Variants in ERO1B observed in about 807,000 individuals in gnomAD.
ERO1B encodes the protein endoplasmic reticulum oxidoreductase 1 beta, also known as ERO1-like protein beta.
ERO1B carries 49 observed loss-of-function variants against 75.3 expected under a neutral mutation model. The ratio of observed to expected loss-of-function variants is 0.65; its 90% CI spans 0.52 to 0.83. The LOEUF is 0.83. Ranked by LOEUF, ERO1B falls within the 40% of genes least tolerant of loss-of-function variation. The probability of loss-of-function intolerance (pLI) is 0.00; values close to 1 mark genes in which losing one functional copy is unlikely to be tolerated. For missense variants in ERO1B, 512 were observed against 560.1 expected, an observed-to-expected ratio of 0.91 and a Z score of 0.87; for synonymous variants, 191 against 192.9, an observed-to-expected ratio of 0.99 and a Z score of 0.08.
chr1:236,281,933 T>G lies in ERO1B; in HGVS notation c.-150A>C. On this transcript the variant is annotated 5_prime_UTR_variant, in exon 1 of 16. Coordinates refer to ENST00000354619, the MANE Select transcript of ERO1B (RefSeq NM_019891.4). ...CTCCAGTCCGGAGGCAGGCGACTCTTTCCCCAACACCCGGCAGCTGCGAGT... is the reference window on the plus strand; with the variant it reads ...CTCCAGTCCGGAGGCAGGCGACTCTGTCCCCAACACCCGGCAGCTGCGAGT... 1 of 446,022 alleles carries G rather than the reference T, an allele frequency of 2.2e-6. No homozygotes were observed. Among genetic ancestry groups the G allele is most frequent in the East Asian group, 3.6e-5 (1 of 28,058 alleles). 27.6% of individuals were successfully genotyped at this position (446,022 alleles called of 1,614,324 possible). A position where few individuals can be genotyped will look rare whatever the true frequency, so the allele number is the denominator to read the frequency against.
Position 236,245,321 on chromosome 1 carries a change from TACACACAC to T in ERO1B, c.432-1834_432-1827del, listed in dbSNP as rs1362252847. 5.4e-3 allele frequency among the ~76,000 whole-genome samples: 75 copies of T among 13,808 alleles called. 4 individuals are homozygous for T. In the East Asian group the frequency reaches 0.059, roughly 11 times the overall value. 9.1% of individuals were successfully genotyped at this position (13,808 alleles called of 152,430 possible). On this transcript the variant is annotated intron_variant, in intron 5 of 15. Transcript: ENST00000354619. ...AAATATATATATATATATATATATA[TACACACAC>T]GTATATATATACGTATATATATACA...
At chr1:236,261,317 A>AAGAAAAAGAAATAAAAGACATCTATAT in intron 2 of ERO1B, among the ~76,000 whole-genome samples, 1 of 152,348 alleles carries the variant, frequency 6.6e-6, no homozygotes, top group Non-Finnish European at 1.5e-5. Flanking sequence ...GCAATAAGGC[A>AAGAAAAAGAAATAAAAGACATCTATAT]AGAAAAAGAA....
intron 12 of ERO1B, 149 bp from the exon 13 acceptor site, chr1:236,225,288 C>G: frequency 1.4e-6 from 1 of 695,772 alleles, no homozygotes; most frequent in South Asian, 2.0e-5. Flanking sequence ...AAGTGACAAA[C>G]AGTTCACACA....
intron 1 of ERO1B, among the ~76,000 whole-genome samples, chr1:236,275,955 A>AT (rs780806815): frequency 1.3e-5 from 2 of 152,246 alleles, no homozygotes; most frequent in African/African-American, 4.8e-5. Flanking sequence ...GGTCAGGGAC[A>AT]TTTAAGACAA....
rs761573606 is a variant in ERO1B, at chr1:236,253,427, G to C, written c.301C>G (p.Pro101Ala). ...TGTTATTTTATTTATTATACCTCTG[G>C]ACAGGGCTCCACATGACAGTCTTTT... ...SIKDCHVEPC[P>A]ESKIPVGIKA... The change falls in exon 3 of 16, where the codon CCA (proline) becomes GCA (alanine). Residue 101 changes from proline to alanine, a missense_variant. Pro to Ala is a conservative substitution (Grantham distance 27). Coordinates refer to ENST00000354619, the MANE Select transcript of ERO1B (RefSeq NM_019891.4). 7.5e-6 allele frequency: 12 copies of C among 1,600,852 alleles called. No individual in the cohort carries two copies. Among genetic ancestry groups the C allele is most frequent in the Non-Finnish European group, 1.0e-5 (12 of 1,169,626 alleles).
chr1:236,221,870 A>C, intron 14 of ERO1B, 54 bp downstream of exon 14: 1 of 1,334,550 alleles, frequency 7.5e-7, no homozygotes. Context: ...GCTTGGACTC[A>C]GTGGAAAAAA....
chr1:236,275,572 C>T (rs573600828), intron 1 of ERO1B, among the ~76,000 whole-genome samples: 3 of 152,266 alleles, frequency 2.0e-5, no homozygotes, highest in Admixed American at 1.3e-4. Context: ...AGAGTTCTTA[C>T]GGAGCTAAAT....
rs754277540 is a variant in ERO1B, at chr1:236,238,523, C to CT, written c.506-2126dup. Reference sequence around the variant, plus strand: ...ACTACACTCCACCCTGGGCAACAGCCTTTTTTTTTTTTTTTTTAAAAAAAA... The same window carrying CT: ...ACTACACTCCACCCTGGGCAACAGCCTTTTTTTTTTTTTTTTTTAAAAAAAA... On this transcript the variant is annotated intron_variant, in intron 6 of 15. Transcript: ENST00000354619. Among the ~76,000 whole-genome samples, 165 of 108,214 alleles carry CT rather than the reference C, an allele frequency of 1.5e-3. 2 individuals carry two copies. The highest frequency in any genetic ancestry group is 0.014 in the Middle Eastern group (3 of 222). The allele number at this position is 108,214 out of a possible 152,430, so 71.0% of individuals were successfully genotyped here. A position where few individuals can be genotyped will look rare whatever the true frequency, so the allele number is the denominator to read the frequency against.
intron 2 of ERO1B, among the ~76,000 whole-genome samples, chr1:236,265,270 ATTATT>A (rs1176129708): frequency 1.3e-5 from 2 of 152,174 alleles, no homozygotes; most frequent in African/African-American, 4.8e-5. Context: ...CATCATTCTT[ATTATT>A]TTAAAAATCA....
rs766889453 is a variant in ERO1B, at chr1:236,236,279, T to G, written c.625A>C (p.Lys209Gln). The change falls in exon 7 of 16, where the codon AAG (lysine) becomes CAG (glutamine). Residue 209 changes from lysine (K) to glutamine (Q), a missense_variant and splice_region_variant. Coordinates refer to ENST00000354619, the MANE Select transcript of ERO1B (RefSeq NM_019891.4). ...TCTTCCCCCACCCCCTCCAGTTACT[T>G]GAAACAGTTCTCTTCATAGATGCTG... ...WNSIYEENCFKPRSVYRPLNP... is the reference protein window; with the variant it reads ...WNSIYEENCFQPRSVYRPLNP... 3 of 1,613,620 alleles carry G rather than the reference T, an allele frequency of 1.9e-6. No individual in the cohort carries two copies. Among genetic ancestry groups the G allele is most frequent in the African/African-American group, 2.7e-5 (2 of 74,894 alleles).
chr1:236,243,458 A>G lies in ERO1B; in HGVS notation c.469T>C (p.Tyr157His). ...SKEAFIDWAR[Y>H]DDSRDHFCEL... ...CAAAAGTGATCCCGTGAATCATCAT[A>G]TCTTGCCCAGTCAATGAAAGCTTCT... is the stretch of plus-strand genomic sequence containing the variant. Residue 157 changes from tyrosine to histidine, a missense_variant, in exon 6 of 16, where the codon TAT becomes CAT. By Grantham distance (83) the Tyr-to-His change is moderately conservative. Coordinates refer to ENST00000354619, the MANE Select transcript of ERO1B (RefSeq NM_019891.4). 6.2e-7 allele frequency: 1 copy of G among 1,605,468 alleles called. No homozygotes were observed. The highest frequency in any genetic ancestry group is 1.1e-5 in the South Asian group (1 of 89,336).
At chr1:236,274,086 T>G (rs959984843) in intron 1 of ERO1B, among the ~76,000 whole-genome samples, 2 of 150,350 alleles carry the variant, frequency 1.3e-5, no homozygotes, top group African/African-American at 4.9e-5. Flanking sequence ...TGGGTTCAAG[T>G]GATTCTCGTG....
intron 1 of ERO1B, among the ~76,000 whole-genome samples, chr1:236,278,037 G>A (rs1446945940): frequency 6.6e-6 from 1 of 152,068 alleles, no homozygotes; most frequent in African/African-American, 2.4e-5. Flanking sequence ...ATGGTGCCCT[G>A]TTTCCTTGGG....
intron 6 of ERO1B, among the ~76,000 whole-genome samples, chr1:236,237,174 C>T (rs1664566627): frequency 7.5e-6 from 1 of 133,594 alleles, no homozygotes; most frequent in Non-Finnish European, 1.5e-5. Flanking sequence ...AGCTGGAGTG[C>T]AGTGGCGCAA....
chr1:236,230,988 AG>A (rs201702202), intron 9 of ERO1B, among the ~76,000 whole-genome samples: 5,306 of 152,218 alleles, frequency 0.035, 144 homozygotes, highest in Middle Eastern at 0.082. Context: ...CTGAAAACAT[AG>A]GGCAAACATT....
chr1:236,242,612 C>T (rs1257613135), intron 6 of ERO1B, among the ~76,000 whole-genome samples: 1 of 151,944 alleles, frequency 6.6e-6, no homozygotes, highest in Non-Finnish European at 1.5e-5. Context: ...TTTTTTAAAA[C>T]TTTAGAAAGC....
intron 10 of ERO1B, among the ~76,000 whole-genome samples, chr1:236,227,171 G>A (rs1452632719): frequency 6.6e-6 from 1 of 152,074 alleles, no homozygotes; most frequent in Non-Finnish European, 1.5e-5. Flanking sequence ...TTAACCTTCT[G>A]CCCTGAAATT....
At chr1:236,239,861 A>ATATATATATGTG (rs1553371283) in intron 6 of ERO1B, among the ~76,000 whole-genome samples, 12 of 27,178 alleles carry the variant, frequency 4.4e-4, no homozygotes, top group South Asian at 1.4e-3. Flanking sequence ...GTATATATGT[A>ATATATATATGTG]TATATATATG....
chr1:236,239,244 CA>C (rs1664622220), intron 6 of ERO1B, among the ~76,000 whole-genome samples: 1 of 152,074 alleles, frequency 6.6e-6, no homozygotes, highest in South Asian at 2.1e-4. Flanking sequence ...AAGGAGTTTG[CA>C]AACTACAGCT....
Sources: gnomAD v4.1 joint callset for allele counts (sites outside exome capture counted in the v4.1 genomes callset) on GRCh38, gnomAD v4.1.1 for gene constraint, MANE v1.5 for transcripts, NCBI Gene and HGNC (gene_info 2026-07-23, HGNC 2026-07-21) for gene names.